The following KIRREL1 variants were observed in gnomAD, a reference collection of about 807,000 sequenced individuals.
KIRREL1 encodes the protein kin of IRRE-like protein 1.
KIRREL1 carries 25 observed loss-of-function variants against 83.3 expected under a neutral mutation model. That is an observed-to-expected ratio of 0.30 (90% confidence interval 0.22 to 0.42). The LOEUF is 0.42. Among genes scored for constraint, KIRREL1 ranks in the 10% least tolerant of loss-of-function variants. The pLI, the probability that KIRREL1 is intolerant of heterozygous loss-of-function variation, is 1.00. For synonymous variants in KIRREL1, 388 were observed against 410.4 expected, an observed-to-expected ratio of 0.95 and a Z score of 0.66; for missense variants, 812 against 1,032.3, an observed-to-expected ratio of 0.79 and a Z score of 2.92.
In KIRREL1 at chr1:158,094,762, C is replaced by A. The variant is rs1189057728; in HGVS notation, c.1916C>A (p.Ser639Tyr). Residue 639 changes from serine (S) to tyrosine (Y), a missense_variant, in exon 15 of 15, where the codon TCC (serine) becomes TAC (tyrosine). By Grantham distance (144) the Ser-to-Tyr change is moderately radical (BLOSUM62 -2). This residue lies in a region of KIRREL1 where 334 missense variants were observed against 383.7 expected (regional missense o/e 0.87). Coordinates refer to ENST00000359209, the MANE Select transcript of KIRREL1 (RefSeq NM_018240.7). This position sits in a 1 kb window ranked among gnomAD's most constrained non-coding sequence, Gnocchi z 4.6. ...GPARFDGRPS[S>Y]RLSHSSGYAQ... ...GCCCGCTTCGACGGCCGCCCCTCAT[C>A]CCGTCTCTCCCACTCCAGCGGCTAT... The A allele has an allele frequency of 6.2e-7, 1 of 1,613,864 alleles. No individual in the cohort carries two copies.
chr1:158,037,232 C>A (rs1039409125), intron 1 of KIRREL1, among the ~76,000 whole-genome samples: 1 of 152,180 alleles, frequency 6.6e-6, no homozygotes, highest in Non-Finnish European at 1.5e-5. Context: ...CCGTGGCTCA[C>A]GCCCATAATC....
intron 1 of KIRREL1, among the ~76,000 whole-genome samples, chr1:158,073,601 A>G (rs1034341159): frequency 6.6e-6 from 1 of 152,216 alleles, no homozygotes; most frequent in Non-Finnish European, 1.5e-5. Flanking sequence ...TATATAAACC[A>G]CAGTCTGTCT....
Position 158,087,815 on chromosome 1 carries a change from T to C in KIRREL1, c.722T>C (p.Val241Ala). ...PQTVQEGERV[V>A]FTCQATANPE... is the part of the protein sequence containing the mutation. ...ACGGTGCAGGAGGGTGAGCGTGTTG[T>C]CTTTACCTGCCAGGCCACAGCCAAC... is the stretch of plus-strand genomic sequence containing the variant. The change falls in exon 6 of 15, where the codon GTC (valine) becomes GCC (alanine). Residue 241 changes from valine (V) to alanine (A), a missense_variant. By Grantham distance (64) the Val-to-Ala change is moderately conservative. Coordinates refer to ENST00000359209, the MANE Select transcript of KIRREL1 (RefSeq NM_018240.7). 6.2e-7 allele frequency: 1 copy of C among 1,613,820 alleles called. No homozygotes were observed. Among genetic ancestry groups the C allele is most frequent in the South Asian group, 1.1e-5 (1 of 91,026 alleles).
chr1:158,006,483 G>A (rs1659522381), intron 1 of KIRREL1, among the ~76,000 whole-genome samples: 1 of 152,220 alleles, frequency 6.6e-6, no homozygotes, highest in Admixed American at 6.5e-5. Context: ...TAATAGAGAA[G>A]CAAGCCCAGA....
intron 1 of KIRREL1, among the ~76,000 whole-genome samples, chr1:158,016,948 C>T (rs1439788716): frequency 2.0e-5 from 3 of 152,186 alleles, no homozygotes; most frequent in African/African-American, 7.2e-5. Context: ...CATTCTTTGT[C>T]TCTTATTTGC....
chr1:158,062,584 G>T (rs1310357443), intron 1 of KIRREL1, among the ~76,000 whole-genome samples: 2 of 152,278 alleles, frequency 1.3e-5, no homozygotes, highest in Non-Finnish European at 2.9e-5. Context: ...TCCTGCTTAT[G>T]TGCAGAAAGT....
intron 1 of KIRREL1, among the ~76,000 whole-genome samples, chr1:158,035,500 A>G (rs773760634): frequency 9.2e-5 from 14 of 152,232 alleles, no homozygotes; most frequent in Non-Finnish European, 1.0e-4. Context: ...GACAATTCAT[A>G]TATAATGAGC....
intron 1 of KIRREL1, among the ~76,000 whole-genome samples, chr1:158,004,718 C>T (rs770554877): frequency 1.8e-4 from 27 of 152,030 alleles, no homozygotes; most frequent in African/African-American, 4.8e-4. Flanking sequence ...TCCAGGTGGG[C>T]GCATCACTTT....
At position 158,089,923 on chromosome 1, in the gene KIRREL1, C is replaced by T. The variant is rs958085852; in HGVS notation, c.1272+105C>T. ...TTTTGCTCCTTCAACTTCCCTGTCC[C>T]GTTTCCATCCTCGAATCTTCTGCTT... On this transcript the variant is annotated intron_variant, in intron 10 of 14. Transcript: ENST00000359209. The T allele has an allele frequency of 2.3e-5, 21 of 899,774 alleles. 1 individual carries two copies. Among genetic ancestry groups the T allele is most frequent in the South Asian group, 1.0e-4 (7 of 66,684 alleles). The allele number at this position is 899,774 out of a possible 1,614,324, so 55.7% of individuals were successfully genotyped here.
intron 3 of KIRREL1, among the ~76,000 whole-genome samples, chr1:158,081,650 C>T (rs114614769): frequency 1.2e-3 from 183 of 152,316 alleles, no homozygotes; most frequent in African/African-American, 4.2e-3. Flanking sequence ...CACATGGACA[C>T]ATGCCCTTTA....
At chr1:158,049,463 C>T (rs750438852) in intron 1 of KIRREL1, among the ~76,000 whole-genome samples, 5 of 152,276 alleles carry the variant, frequency 3.3e-5, no homozygotes, top group Non-Finnish European at 7.4e-5. Context: ...CGTGTGCACA[C>T]GCCTCTGAGA....
intron 1 of KIRREL1, among the ~76,000 whole-genome samples, chr1:158,042,857 A>G (rs958060728): frequency 1.3e-5 from 2 of 148,618 alleles, no homozygotes; most frequent in Admixed American, 6.8e-5. Context: ...GAGGATCATG[A>G]GGTCAGGAGA....
At chr1:158,017,509 T>A (rs1226916372) in intron 1 of KIRREL1, among the ~76,000 whole-genome samples, 1 of 151,890 alleles carries the variant, frequency 6.6e-6, no homozygotes, top group Admixed American at 6.6e-5. Context: ...CTGGCCAACA[T>A]GGTGAAATCT....
chr1:158,018,727 G>A, intron 1 of KIRREL1, among the ~76,000 whole-genome samples: 1 of 152,172 alleles, frequency 6.6e-6, no homozygotes. Context: ...GAAGGGTAAA[G>A]AGGGGGCCTC....
rs138458053 is a variant in KIRREL1, at chr1:158,094,765, G to A, written c.1919G>A (p.Arg640His). 88 of 1,613,664 alleles carry A rather than the reference G, an allele frequency of 5.5e-5. No homozygotes were observed. Among genetic ancestry groups the A allele is most frequent in the Middle Eastern group, 4.9e-4 (3 of 6,084 alleles). ...CGCTTCGACGGCCGCCCCTCATCCC[G>A]TCTCTCCCACTCCAGCGGCTATGCC... is the stretch of plus-strand genomic sequence containing the variant. ...PARFDGRPSS[R>H]LSHSSGYAQL... Residue 640 changes from arginine (R) to histidine (H), a missense_variant, in exon 15 of 15, where the codon CGT becomes CAT. By Grantham distance (29) the Arg-to-His change is conservative. Coordinates refer to ENST00000359209, the MANE Select transcript of KIRREL1 (RefSeq NM_018240.7). This position sits in a 1 kb window ranked among gnomAD's most constrained non-coding sequence, Gnocchi z 4.6.
chr1:158,093,600 C>T, intron 12 of KIRREL1, 23 bp from the exon 13 acceptor site: 1 of 1,613,888 alleles, frequency 6.2e-7, no homozygotes, highest in Non-Finnish European at 8.5e-7. Flanking sequence ...AGCACTTGTT[C>T]CAGGCTGCCT....
chr1:158,084,308 G>A (rs563867207), intron 3 of KIRREL1, 114 bp from the exon 4 acceptor site: 46 of 1,017,684 alleles, frequency 4.5e-5, no homozygotes, highest in African/African-American at 2.1e-4. Context: ...GGGTGGTACC[G>A]CCTACCTAGA....
intron 1 of KIRREL1, among the ~76,000 whole-genome samples, chr1:158,055,517 G>A (rs1018513850): frequency 2.6e-5 from 4 of 152,224 alleles, no homozygotes; most frequent in Admixed American, 1.3e-4. Context: ...ATGGGCAAGA[G>A]TGGCGGCCCC....
At chr1:158,035,996 C>T (rs1189839414) in intron 1 of KIRREL1, among the ~76,000 whole-genome samples, 5 of 152,122 alleles carry the variant, frequency 3.3e-5, no homozygotes, top group Non-Finnish European at 7.4e-5. Context: ...CAGAGTTTAC[C>T]ATCATCCTTC....
Sources: allele counts gnomAD v4.1 joint callset (sites outside exome capture counted in the v4.1 genomes callset), GRCh38; gene constraint gnomAD v4.1.1; regional missense constraint gnomAD v4.1.1; non-coding constraint Gnocchi (gnomAD v3.1); transcripts MANE v1.5; gene names NCBI Gene and HGNC (gene_info 2026-07-23, HGNC 2026-07-21).